PTPRZ1: variants seen among roughly 807,000 people sequenced by gnomAD.
PTPRZ1 encodes receptor-type tyrosine-protein phosphatase zeta.
In PTPRZ1, 82 loss-of-function variants were observed where a neutral mutation model predicts 214.1. The observed-to-expected ratio is 0.38, with a 90% confidence interval of 0.32 to 0.46. The LOEUF is 0.46. PTPRZ1 is among the 20% of genes least tolerant of loss of function. The pLI is 1.00. For synonymous variants in PTPRZ1, 945 were observed against 987.9 expected (o/e 0.96, Z 0.81); for missense variants, 2,603 against 2,748.7 (o/e 0.95, Z 1.19).
chr7:121,962,922 A>G (rs1458559867), intron 2 of PTPRZ1, among the ~76,000 whole-genome samples: 1 of 152,030 alleles, frequency 6.6e-6, no homozygotes, highest in Non-Finnish European at 1.5e-5. Flanking sequence ...ACTCGTGGTG[A>G]TTTGAAACAG....
chr7:121,925,838 G>T (rs1202756451), intron 1 of PTPRZ1, among the ~76,000 whole-genome samples: 1 of 152,004 alleles, frequency 6.6e-6, no homozygotes, highest in Non-Finnish European at 1.5e-5. Flanking sequence ...TTGGAGCAAG[G>T]TGCCCCACTG....
At chr7:122,041,577 T>A (rs1249549460) in intron 21 of PTPRZ1, among the ~76,000 whole-genome samples, 1 of 152,240 alleles carries the variant, frequency 6.6e-6, no homozygotes, top group Non-Finnish European at 1.5e-5. Context: ...GAAATAATGA[T>A]GTTTCAATGA....
At chr7:122,039,658 A>G in intron 20 of PTPRZ1, 70 bp downstream of exon 20, 3 of 1,551,440 alleles carry the variant, frequency 1.9e-6, no homozygotes, top group East Asian at 2.3e-5. Flanking sequence ...TGAATAAGCG[A>G]TAGAACCAAG....
At chr7:121,891,115 G>A (rs1794590134) in intron 1 of PTPRZ1, among the ~76,000 whole-genome samples, 1 of 151,860 alleles carries the variant, frequency 6.6e-6, no homozygotes, top group Non-Finnish European at 1.5e-5. Flanking sequence ...CTCTCCATTT[G>A]GAATGCCTTT....
chr7:122,036,716 T>C (rs775703239), intron 18 of PTPRZ1, 34 bp downstream of exon 18: 17 of 1,427,292 alleles, frequency 1.2e-5, no homozygotes, highest in Middle Eastern at 3.9e-4. Flanking sequence ...TTTATAGAAA[T>C]CATATTAGAC....
Position 121,939,164 on chromosome 7 carries a change from C to G in PTPRZ1, c.124+10943C>G, listed in dbSNP as rs1424056545. Among the ~76,000 whole-genome samples, 3 of 152,182 alleles carry G rather than the reference C, an allele frequency of 2.0e-5. No homozygotes were observed. The East Asian group carries it at 5.8e-4, about 29-fold the overall frequency. On this transcript the variant is annotated intron_variant, in intron 2 of 29. Transcript: ENST00000393386. ...ATAATTTCAGGGGATCATCCCAAAT[C>G]CTTCTTGCAACAAATAGATTATACA...
At chr7:121,980,685 G>T (rs979603403) in intron 6 of PTPRZ1, among the ~76,000 whole-genome samples, 2 of 152,200 alleles carry the variant, frequency 1.3e-5, no homozygotes, top group Non-Finnish European at 2.9e-5. Context: ...CCCTTCAGAA[G>T]TTTCTGTTAC....
At chr7:121,887,497 A>G (rs1794431994) in intron 1 of PTPRZ1, among the ~76,000 whole-genome samples, 1 of 152,124 alleles carries the variant, frequency 6.6e-6, no homozygotes, top group Admixed American at 6.6e-5. Flanking sequence ...AAGTAGGTCA[A>G]TCAAATCACA....
chr7:122,036,737 T>C (rs1276640829), intron 18 of PTPRZ1, 55 bp downstream of exon 18: 3 of 1,245,494 alleles, frequency 2.4e-6, no homozygotes, highest in Non-Finnish European at 3.5e-6. Context: ...TGAATTATTA[T>C]ACCATAATGC....
chr7:121,994,495 C>T (rs1049303354), intron 8 of PTPRZ1, among the ~76,000 whole-genome samples: 4 of 151,720 alleles, frequency 2.6e-5, no homozygotes, highest in South Asian at 2.1e-4. Flanking sequence ...AGGGTTTCAC[C>T]GTGTTAGCCA....
At chr7:121,950,996 A>G (rs962510389) in intron 2 of PTPRZ1, among the ~76,000 whole-genome samples, 1 of 152,206 alleles carries the variant, frequency 6.6e-6, no homozygotes, top group African/African-American at 2.4e-5. Flanking sequence ...ATAAAATATA[A>G]TTTTGATTTA....
At chr7:121,967,841 A>AT (rs1797089268) in intron 2 of PTPRZ1, 110 bp from the exon 3 acceptor site, 4 of 762,126 alleles carry the variant, frequency 5.2e-6, no homozygotes, top group Admixed American at 3.3e-5. Flanking sequence ...GATGTCAAAC[A>AT]TTTTTCTACT....
At chr7:121,943,883 G>C (rs898710667) in intron 2 of PTPRZ1, among the ~76,000 whole-genome samples, 3 of 152,052 alleles carry the variant, frequency 2.0e-5, no homozygotes, top group African/African-American at 7.2e-5. Context: ...CTTAATTTGG[G>C]GAATGAATGA....
At position 121,999,786 on chromosome 7, in the gene PTPRZ1, A is replaced by G. The variant is rs577547461; in HGVS notation, c.1240+1780A>G. Among the ~76,000 whole-genome samples the G allele has an allele frequency of 2.7e-4, 41 of 152,272 alleles. 2 individuals carry two copies. The South Asian group carries it at 8.5e-3, about 32-fold the overall frequency. The stretch of plus-strand genomic sequence containing the variant: ...AACAGATTAAATATGTATTTTCTCC[A>G]TAAGTGATTTCTGAGTGATCCTGTT... On this transcript the variant is annotated intron_variant, in intron 10 of 29. Transcript: ENST00000393386.
chr7:121,908,879 G>A (rs923819778), intron 1 of PTPRZ1: 4 of 509,536 alleles, frequency 7.9e-6, no homozygotes, highest in Non-Finnish European at 1.6e-5. Flanking sequence ...AATATATAGT[G>A]TGGAATTTTT....
intron 1 of PTPRZ1, among the ~76,000 whole-genome samples, chr7:121,924,083 A>G (rs1438109845): frequency 1.3e-5 from 2 of 152,242 alleles, no homozygotes; most frequent in South Asian, 2.1e-4. Context: ...CATGTGAACA[A>G]TCACTTCCTG....
At chr7:122,013,962 G>A (rs1798768972) in intron 12 of PTPRZ1, 73 bp downstream of exon 12, 18 of 1,302,458 alleles carry the variant, frequency 1.4e-5, no homozygotes, top group Non-Finnish European at 1.9e-5. Flanking sequence ...GAAAATTATA[G>A]AAAGATAGAA....
intron 8 of PTPRZ1, among the ~76,000 whole-genome samples, chr7:121,987,877 G>A (rs539155916): frequency 6.6e-6 from 1 of 152,158 alleles, no homozygotes; most frequent in Non-Finnish European, 1.5e-5. Context: ...CAGCAAGATG[G>A]ATGGAGCTGC....
intron 20 of PTPRZ1, among the ~76,000 whole-genome samples, chr7:122,039,981 A>G (rs1799670131): frequency 6.6e-6 from 1 of 150,908 alleles, no homozygotes; most frequent in Admixed American, 6.6e-5. Context: ...GACTCTGTCA[A>G]AAAAAAAAGA....
Sources: gnomAD v4.1 joint callset for allele counts (sites outside exome capture counted in the v4.1 genomes callset) on GRCh38, gnomAD v4.1.1 for gene constraint, MANE v1.5 for transcripts, NCBI Gene and HGNC (gene_info 2026-07-23, HGNC 2026-07-21) for gene names.